LARP4B: variants seen among roughly 807,000 people sequenced by gnomAD.
LARP4B encodes the protein la-related protein 4B.
A neutral mutation model predicts 89.8 loss-of-function variants in LARP4B; 12 were observed. The ratio of observed to expected loss-of-function variants is 0.13; its 90% CI spans 0.09 to 0.22. LARP4B has a LOEUF of 0.22. Among genes scored for constraint, LARP4B ranks in the 10% least tolerant of loss-of-function variants. The pLI is 1.00. For missense variants in LARP4B, 757 were observed against 947.7 expected (o/e 0.80, Z 2.64); for synonymous variants, 367 against 363.3 (o/e 1.01, Z -0.12).
At chr10:962,324 T>C in the LARP4B span, among the ~76,000 whole-genome samples, 1 of 135,796 alleles carries the variant, frequency 7.4e-6, no homozygotes, top group Non-Finnish European at 1.6e-5. Context: ...AAAAAAAGAA[T>C]ACCAATCCTT....
chr10:873,998 G>A (rs540606191), intron 3 of LARP4B, among the ~76,000 whole-genome samples: 19 of 152,298 alleles, frequency 1.2e-4, no homozygotes, highest in African/African-American at 4.1e-4. Context: ...TTGGGAGGCC[G>A]AGGTGGGTGG....
At chr10:941,013 C>T in the LARP4B span, among the ~76,000 whole-genome samples, 3 of 152,222 alleles carry the variant, frequency 2.0e-5, no homozygotes, top group South Asian at 2.1e-4. Context: ...CTCAGAGCCC[C>T]GGACTTCAGT....
chr10:904,558 C>CAAAATAAAAATA (rs548560806), intron 1 of LARP4B, among the ~76,000 whole-genome samples: 1 of 149,558 alleles, frequency 6.7e-6, no homozygotes, highest in African/African-American at 2.5e-5. Flanking sequence ...AAGACTGTCT[C>CAAAATAAAAATA]AAAATAAAAA....
chr10:892,593 G>A (rs540350418), intron 1 of LARP4B, among the ~76,000 whole-genome samples: 12 of 151,872 alleles, frequency 7.9e-5, no homozygotes, highest in Admixed American at 2.0e-4. Flanking sequence ...AGGCTGGAGT[G>A]CAGTGGCGCG....
At chr10:828,213 G>A (rs1006952680) in intron 11 of LARP4B, among the ~76,000 whole-genome samples, 37 of 152,162 alleles carry the variant, frequency 2.4e-4, no homozygotes, top group African/African-American at 4.3e-4. Flanking sequence ...CCCGGTGTAC[G>A]CTTCAGCTCA....
chr10:851,364 A>C (rs1834042598), intron 5 of LARP4B, among the ~76,000 whole-genome samples: 1 of 151,984 alleles, frequency 6.6e-6, no homozygotes. Flanking sequence ...TTGTATTTTT[A>C]GTAGAGATGG....
intron 1 of LARP4B, among the ~76,000 whole-genome samples, chr10:930,182 T>G (rs1412090613): frequency 6.6e-6 from 1 of 151,818 alleles, no homozygotes; most frequent in African/African-American, 2.4e-5. Context: ...AGCACCTATT[T>G]CAAGTGCATT....
chr10:905,397 A>C (rs140784914), intron 1 of LARP4B, among the ~76,000 whole-genome samples: 63 of 152,302 alleles, frequency 4.1e-4, no homozygotes, highest in African/African-American at 1.2e-3. Flanking sequence ...ATTTCAGTGA[A>C]AGGGAAATAT....
chr10:877,786 C>A (rs1835516746), intron 3 of LARP4B, among the ~76,000 whole-genome samples: 1 of 152,144 alleles, frequency 6.6e-6, no homozygotes, highest in Non-Finnish European at 1.5e-5. Flanking sequence ...TTATGGAGCA[C>A]CTACCTGTCA....
rs1019040671 is a variant in LARP4B, at chr10:925,373, T to A, written c.-40+6055A>T. ...TCCTTTATGCCAGGCCCTTTAGCAATACTTAACAGAAAATAAAAAATGGAA... is the reference window on the plus strand; with the variant it reads ...TCCTTTATGCCAGGCCCTTTAGCAAAACTTAACAGAAAATAAAAAATGGAA... On this transcript the variant is annotated intron_variant, in intron 1 of 17. Coordinates refer to ENST00000316157, the MANE Select transcript of LARP4B (RefSeq NM_015155.3). 2.4e-4 allele frequency among the ~76,000 whole-genome samples: 36 copies of A among 152,190 alleles called. 1 individual carries two copies. The highest frequency in any genetic ancestry group is 6.8e-4 in the African/African-American group (28 of 41,428).
intron 1 of LARP4B, among the ~76,000 whole-genome samples, chr10:914,875 A>G (rs1297854818): frequency 2.0e-5 from 3 of 149,124 alleles, no homozygotes; most frequent in Middle Eastern, 3.2e-3. Flanking sequence ...CAAAGGCTTC[A>G]GCAAGTTGTA....
At chr10:936,013 G>A (rs547629509), upstream of LARP4B, among the ~76,000 whole-genome samples, 1 of 151,984 alleles carries the variant, frequency 6.6e-6, no homozygotes, top group African/African-American at 2.4e-5. Flanking sequence ...CAAAAATGCT[G>A]GGATTACAGG....
chr10:927,286 G>C (rs556517176), intron 1 of LARP4B, among the ~76,000 whole-genome samples: 2 of 151,910 alleles, frequency 1.3e-5, no homozygotes, highest in African/African-American at 2.4e-5. Flanking sequence ...ATGGGGTGGC[G>C]GGGGGGCAGT....
chr10:960,150 C>T, the LARP4B span, among the ~76,000 whole-genome samples: 14 of 152,230 alleles, frequency 9.2e-5, no homozygotes, highest in East Asian at 1.9e-3. Flanking sequence ...ACATTCTCTA[C>T]GAGTCCAACG....
At chr10:817,633 C>A (rs1832131003) in intron 15 of LARP4B, 92 bp downstream of exon 15, 4 of 1,260,090 alleles carry the variant, frequency 3.2e-6, no homozygotes, top group Non-Finnish European at 1.1e-6. Context: ...GTATTAAAAA[C>A]AAACATGTAT....
Position 830,804 on chromosome 10 carries a change from A to G in LARP4B, c.861+63T>C, listed in dbSNP as rs974966093. On this transcript the variant is annotated intron_variant, in intron 9 of 17. Transcript: ENST00000316157. Reference sequence around the variant, plus strand: ...CTCAATGCCCAAGTTTAGTCCCAACATGCACTAATAGTAAAAACTGGTAAA... The same window carrying G: ...CTCAATGCCCAAGTTTAGTCCCAACGTGCACTAATAGTAAAAACTGGTAAA... 8 of 741,666 alleles carry G rather than the reference A, an allele frequency of 1.1e-5. No individual in the cohort carries two copies. In the African/African-American group the frequency reaches 1.3e-4, roughly 12 times the overall value. 45.9% of individuals were successfully genotyped at this position (741,666 alleles called of 1,614,324 possible). A position where few individuals can be genotyped will look rare whatever the true frequency, so the allele number is the denominator to read the frequency against.
At chr10:830,229 TCA>T (rs1231884647) in intron 9 of LARP4B, among the ~76,000 whole-genome samples, 1 of 152,166 alleles carries the variant, frequency 6.6e-6, no homozygotes, top group Non-Finnish European at 1.5e-5. Flanking sequence ...TGATTCAATA[TCA>T]TCCGACCACA....
intron 5 of LARP4B, among the ~76,000 whole-genome samples, chr10:859,051 C>A (rs1274957026): frequency 6.6e-6 from 1 of 152,070 alleles, no homozygotes; most frequent in Non-Finnish European, 1.5e-5. Context: ...CTTTGGGAGG[C>A]TGAGATGGGC....
At chr10:823,611 A>C (rs1832467411) in intron 13 of LARP4B, among the ~76,000 whole-genome samples, 1 of 151,152 alleles carries the variant, frequency 6.6e-6, no homozygotes, top group East Asian at 1.9e-4. Flanking sequence ...TTGTCCATCT[A>C]GTCTGCCTCC....
Sources: gnomAD v4.1 joint callset for allele counts (sites outside exome capture counted in the v4.1 genomes callset) on GRCh38, gnomAD v4.1.1 for gene constraint, MANE v1.5 for transcripts, NCBI Gene and HGNC (gene_info 2026-07-23, HGNC 2026-07-21) for gene names.